SLC14A2: variants seen among roughly 807,000 people sequenced by gnomAD.
SLC14A2 encodes the protein solute carrier family 14 member 2, also known as urea transporter 2.
Under a neutral mutation model 104.6 loss-of-function variants are expected in SLC14A2, and 91 were observed. The ratio of observed to expected loss-of-function variants is 0.87; its 90% CI spans 0.73 to 1.04. SLC14A2 has a LOEUF of 1.04. Among genes scored for constraint, SLC14A2 ranks in the 50% least tolerant of loss-of-function variants. The pLI is 0.00. For synonymous variants in SLC14A2, 476 were observed against 466.4 expected (o/e 1.02, Z -0.27); for missense variants, 1,189 against 1,156.0 (o/e 1.03, Z -0.41).
At chr18:45,593,044 G>A (rs1599040874) in intron 2 of SLC14A2, among the ~76,000 whole-genome samples, 1 of 152,174 alleles carries the variant, frequency 6.6e-6, no homozygotes, top group African/African-American at 2.4e-5. Flanking sequence ...GAGGCCGGGC[G>A]CCGTGGCTCA....
chr18:45,525,658 A>G (rs1301631461), intron 2 of SLC14A2, among the ~76,000 whole-genome samples: 1 of 152,246 alleles, frequency 6.6e-6, no homozygotes, highest in African/African-American at 2.4e-5. Flanking sequence ...ATGCATTCCA[A>G]TTAGCATTTG....
chr18:45,482,194 A>G (rs979424530), intron 1 of SLC14A2, among the ~76,000 whole-genome samples: 6 of 152,226 alleles, frequency 3.9e-5, no homozygotes, highest in African/African-American at 1.4e-4. Context: ...CCAATGTTTA[A>G]GTACAATAAT....
At position 45,236,788 on chromosome 18, in the gene SLC14A2, G is replaced by C. The variant is rs1474831871; in HGVS notation, c.-125+23597G>C. Among the ~76,000 whole-genome samples, 3 of 152,078 alleles carry C rather than the reference G, an allele frequency of 2.0e-5. No homozygotes were observed. The East Asian group carries it at 5.8e-4, about 29-fold the overall frequency. On this transcript the variant is annotated intron_variant, in intron 1 of 20. Transcript: ENST00000586448. ...CCTTTGGCTATATATGCAGTAGTGG[G>C]ATTGCTGGATGACATGGCAGCTTTA...
chr18:45,483,996 A>G (rs142751706), intron 2 of SLC14A2, among the ~76,000 whole-genome samples: 1 of 152,194 alleles, frequency 6.6e-6, no homozygotes, highest in Non-Finnish European at 1.5e-5. Flanking sequence ...ATCTCTTTTC[A>G]TTGGGATCTA....
chr18:45,602,617 G>A (rs1461131250), intron 2 of SLC14A2, among the ~76,000 whole-genome samples: 2 of 152,144 alleles, frequency 1.3e-5, no homozygotes, highest in Non-Finnish European at 2.9e-5. Flanking sequence ...ACTGTGATGG[G>A]GCAAAGAAGT....
At chr18:45,542,257 G>C (rs943823470) in intron 2 of SLC14A2, 3 of 151,882 alleles carry the variant, frequency 2.0e-5, no homozygotes, top group African/African-American at 7.2e-5. Context: ...GCCTTTGGAA[G>C]GCCCAGGGGA....
At chr18:45,436,323 A>G (rs182467596) in intron 1 of SLC14A2, among the ~76,000 whole-genome samples, 2 of 152,358 alleles carry the variant, frequency 1.3e-5, no homozygotes, top group East Asian at 1.9e-4. Flanking sequence ...GCATGGATCT[A>G]TAGACCACCT....
intron 8 of SLC14A2, among the ~76,000 whole-genome samples, 199 bp downstream of exon 8, chr18:45,641,542 G>A (rs531909830): frequency 3.3e-5 from 5 of 152,312 alleles, no homozygotes; most frequent in African/African-American, 7.2e-5. Context: ...CACAACCACC[G>A]AATGGTATTA....
the SLC14A2 span, among the ~76,000 whole-genome samples, chr18:45,192,447 T>G: frequency 0.048 from 7,370 of 152,276 alleles, 231 homozygotes; most frequent in Non-Finnish European, 0.074. Flanking sequence ...TTGGAGTACC[T>G]AGGATTAGAA....
At chr18:45,453,876 T>C (rs1434260391) in intron 1 of SLC14A2, among the ~76,000 whole-genome samples, 1 of 71,712 alleles carries the variant, frequency 1.4e-5, no homozygotes, top group Non-Finnish European at 2.8e-5. Flanking sequence ...TTTTTTTTTT[T>C]TGAGACAGAG....
chr18:45,519,092 C>T (rs1457696326), intron 2 of SLC14A2, among the ~76,000 whole-genome samples: 5 of 152,140 alleles, frequency 3.3e-5, no homozygotes. Flanking sequence ...TAATTGGAAA[C>T]TAAAATAATA....
chr18:45,546,632 G>T (rs1285607119), intron 2 of SLC14A2, among the ~76,000 whole-genome samples: 1 of 152,164 alleles, frequency 6.6e-6, no homozygotes, highest in Admixed American at 6.5e-5. Context: ...AATAGTCAAA[G>T]GATTGGTTTC....
chr18:45,371,739 G>A (rs1377633223), intron 1 of SLC14A2, among the ~76,000 whole-genome samples: 1 of 152,218 alleles, frequency 6.6e-6, no homozygotes, highest in Non-Finnish European at 1.5e-5. Flanking sequence ...GCCCAGAGAA[G>A]AAGCTCAAAA....
intron 1 of SLC14A2, among the ~76,000 whole-genome samples, chr18:45,252,677 T>C (rs766672127): frequency 2.0e-5 from 3 of 152,168 alleles, no homozygotes; most frequent in Non-Finnish European, 4.4e-5. Context: ...TCAATGATGT[T>C]CAAACTTGAG....
the SLC14A2 span, among the ~76,000 whole-genome samples, chr18:45,200,192 G>A: frequency 6.6e-6 from 1 of 152,004 alleles, no homozygotes; most frequent in Non-Finnish European, 1.5e-5. Flanking sequence ...ACTTTTCTCT[G>A]CTGTGGAAGT....
intron 2 of SLC14A2, among the ~76,000 whole-genome samples, chr18:45,542,062 T>G (rs888147602): frequency 1.8e-4 from 26 of 143,168 alleles, no homozygotes; most frequent in African/African-American, 2.8e-4. Context: ...TTTTTTTTTT[T>G]TTTTTTTTTT....
At chr18:45,622,003 G>T (rs2045178595) in intron 1 of SLC14A2, among the ~76,000 whole-genome samples, 1 of 152,182 alleles carries the variant, frequency 6.6e-6, no homozygotes, top group Non-Finnish European at 1.5e-5. Flanking sequence ...GAGTCATGGA[G>T]CCAGAAAGCA....
At position 45,233,467 on chromosome 18, in the gene SLC14A2, C is replaced by T. The variant is rs147893059; in HGVS notation, c.-125+20276C>T. Among the ~76,000 whole-genome samples, 229 of 152,228 alleles carry T rather than the reference C, an allele frequency of 1.5e-3. 1 individual carries two copies. The highest frequency in any genetic ancestry group is 5.4e-3 in the African/African-American group (223 of 41,526). On this transcript the variant is annotated intron_variant, in intron 1 of 20. Transcript: ENST00000586448. ...AGTGTATCACAGGAGTATTGGACAC[C>T]TAGAAGCACTGGAAGAAACCAAACA...
upstream of SLC14A2, among the ~76,000 whole-genome samples, chr18:45,211,146 T>C (rs1479161312): frequency 2.6e-5 from 4 of 152,226 alleles, no homozygotes; most frequent in Admixed American, 2.0e-4. Context: ...GGAGCTATTG[T>C]GATTTCCATC....
Sources: allele counts gnomAD v4.1 joint callset (sites outside exome capture counted in the v4.1 genomes callset), GRCh38; gene constraint gnomAD v4.1.1; transcripts MANE v1.5; gene names NCBI Gene and HGNC (gene_info 2026-07-23, HGNC 2026-07-21).